HFM1: variants seen among roughly 807,000 people sequenced by gnomAD.
HFM1 encodes the protein probable ATP-dependent DNA helicase HFM1.
HFM1 carries 169 observed loss-of-function variants against 192.1 expected under a neutral mutation model. The observed-to-expected ratio is 0.88, with a 90% CI of 0.78 to 1.00. The LOEUF is 1.00. Among genes scored for constraint, HFM1 ranks in the 50% least tolerant of loss-of-function variants. The probability of loss-of-function intolerance (pLI) is 0.00; values close to 1 mark genes in which losing one functional copy is unlikely to be tolerated. For missense variants in HFM1, 1,661 were observed against 1,668.0 expected, an observed-to-expected ratio of 1.00 and a Z score of 0.07; for synonymous variants, 525 against 537.8, an observed-to-expected ratio of 0.98 and a Z score of 0.33.
intron 2 of HFM1, among the ~76,000 whole-genome samples, chr1:91,397,849 ACT>A (rs752309328): frequency 5.9e-5 from 9 of 152,200 alleles, no homozygotes; most frequent in Non-Finnish European, 5.9e-5. Flanking sequence ...CTGAGTAATG[ACT>A]TAGGACAATA....
In HFM1 at chr1:91,378,443, T is replaced by C. The variant is rs143523339; in HGVS notation, c.1196A>G (p.Asn399Ser). ...WDSMTRKWRD[N>S]SLVQLVRLFL... The stretch of plus-strand genomic sequence containing the variant: ...CAGTCGAACCAGCTGAACCAAAGAG[T>C]TGTCTCTCCATTTCCTAGTCATGCT... Residue 399 changes from asparagine to serine, a missense_variant, in exon 10 of 39, where the codon AAC (asparagine) becomes AGC (serine). By Grantham distance (46) the Asn-to-Ser change is conservative. Transcript: ENST00000370425. The C allele has an allele frequency of 7.5e-6, 12 of 1,605,620 alleles. No homozygotes were observed. Among genetic ancestry groups the C allele is most frequent in the Admixed American group, 1.7e-5 (1 of 59,664 alleles).
chr1:91,405,813 A>C (rs1188032062), upstream of HFM1, among the ~76,000 whole-genome samples: 4 of 152,278 alleles, frequency 2.6e-5, no homozygotes, highest in Non-Finnish European at 5.9e-5. Context: ...ATAAAATAAC[A>C]AGTCTTTGTC....
chr1:91,302,742 T>C (rs147039319), intron 30 of HFM1, among the ~76,000 whole-genome samples: 3,805 of 123,508 alleles, frequency 0.031, 67 homozygotes, highest in Middle Eastern at 0.063. Flanking sequence ...TGAGAACACA[T>C]AGACACAGGA....
chr1:91,326,352 G>A (rs1652900855), intron 20 of HFM1, among the ~76,000 whole-genome samples: 1 of 152,100 alleles, frequency 6.6e-6, no homozygotes. Flanking sequence ...ATAAAGAAAG[G>A]ATCCTAAGAG....
At chr1:91,291,294 T>TA (rs1207620043) in intron 30 of HFM1, among the ~76,000 whole-genome samples, 1 of 152,060 alleles carries the variant, frequency 6.6e-6, no homozygotes, top group Admixed American at 6.5e-5. Context: ...ACAAAATTGA[T>TA]AGACCGCTAG....
At chr1:91,300,924 G>T (rs1369786638) in intron 30 of HFM1, among the ~76,000 whole-genome samples, 17 of 152,160 alleles carry the variant, frequency 1.1e-4, no homozygotes, top group Non-Finnish European at 2.1e-4. Context: ...AGTGTTGGAA[G>T]TTCTGGCCAG....
At chr1:91,294,739 C>T (rs1456585830) in intron 30 of HFM1, among the ~76,000 whole-genome samples, 1 of 152,172 alleles carries the variant, frequency 6.6e-6, no homozygotes, top group Non-Finnish European at 1.5e-5. Flanking sequence ...TTTATTTGTC[C>T]ATCTAACTGC....
At chr1:91,351,006 A>C (rs566915774) in intron 17 of HFM1, 135 bp from the exon 18 acceptor site, 1 of 695,998 alleles carries the variant, frequency 1.4e-6, no homozygotes, top group African/African-American at 1.8e-5. Context: ...CAAAAACATA[A>C]AAGAAAACCT....
At chr1:91,288,384 T>TAG (rs1481906356) in intron 30 of HFM1, among the ~76,000 whole-genome samples, 1 of 143,704 alleles carries the variant, frequency 7.0e-6, no homozygotes, top group Non-Finnish European at 1.5e-5. Context: ...TTTTTTTTTT[T>TAG]TTTTTTTAGT....
intron 20 of HFM1, among the ~76,000 whole-genome samples, chr1:91,334,193 G>A (rs1654239113): frequency 1.3e-5 from 2 of 152,292 alleles, no homozygotes; most frequent in African/African-American, 4.8e-5. Flanking sequence ...ATCAGACTGA[G>A]TTGATTAGAA....
At chr1:91,355,621 A>G (rs1215786500) in intron 13 of HFM1, among the ~76,000 whole-genome samples, 1 of 152,156 alleles carries the variant, frequency 6.6e-6, no homozygotes, top group Non-Finnish European at 1.5e-5. Flanking sequence ...AGAGGCAAAG[A>G]AGGTCATAAT....
At chr1:91,290,642 C>T (rs1263430313) in intron 30 of HFM1, among the ~76,000 whole-genome samples, 6 of 152,154 alleles carry the variant, frequency 3.9e-5, no homozygotes, top group African/African-American at 7.2e-5. Context: ...CACAGATCAA[C>T]GAGACAGAAA....
Position 91,319,184 on chromosome 1 carries a change from T to A in HFM1, c.2706A>T (p.Gln902His). 1 of 1,608,644 alleles carries A rather than the reference T, an allele frequency of 6.2e-7. No individual in the cohort carries two copies. Among genetic ancestry groups the A allele is most frequent in the Non-Finnish European group, 8.5e-7 (1 of 1,178,528 alleles). ...TRWLSDFVAA[Q>H]EKKFAVLLNS... ...TCAATAGTACAGCAAACTTCTTTTC[T>A]TGAGCAGCTACAAAATCTGACAACC... is the stretch of plus-strand genomic sequence containing the variant. The change falls in exon 25 of 39, where the codon CAA becomes CAT. Residue 902 changes from glutamine (Q) to histidine (H), a missense_variant. Physicochemically the swap from Gln to His is conservative, Grantham distance 24. Coordinates refer to ENST00000370425, the MANE Select transcript of HFM1 (RefSeq NM_001017975.6).
chr1:91,400,326 T>C (rs1402766473), intron 2 of HFM1, among the ~76,000 whole-genome samples: 1 of 152,228 alleles, frequency 6.6e-6, no homozygotes, highest in African/African-American at 2.4e-5. Flanking sequence ...CTATCATACT[T>C]TGCCTTTGGC....
intron 30 of HFM1, among the ~76,000 whole-genome samples, chr1:91,280,335 AAGGTCAATATG>A (rs1261206655): frequency 6.6e-6 from 1 of 152,216 alleles, no homozygotes; most frequent in Non-Finnish European, 1.5e-5. Flanking sequence ...GGGAAACTGA[AAGGTCAATATG>A]ACTGATGCTA....
At chr1:91,367,050 A>T (rs927993202) in intron 13 of HFM1, among the ~76,000 whole-genome samples, 1 of 152,162 alleles carries the variant, frequency 6.6e-6, no homozygotes, top group African/African-American at 2.4e-5. Flanking sequence ...GGCGGCAGTG[A>T]GGCTGGGGGA....
At chr1:91,287,424 A>T (rs975734857) in intron 30 of HFM1, among the ~76,000 whole-genome samples, 1 of 152,028 alleles carries the variant, frequency 6.6e-6, no homozygotes, top group African/African-American at 2.4e-5. Flanking sequence ...ACGTCCGGGT[A>T]CTCCAACAGA....
chr1:91,367,070 G>A (rs555866645), intron 13 of HFM1, among the ~76,000 whole-genome samples: 38 of 152,280 alleles, frequency 2.5e-4, no homozygotes, highest in African/African-American at 6.3e-4. Flanking sequence ...AGGGGCACCC[G>A]CCATTGCCGA....
rs148662537 is a variant in HFM1, at chr1:91,307,364, T to A, written c.3391+5985A>T. The stretch of plus-strand genomic sequence containing the variant: ...CTACTTATATTTAGTCATATAGTTA[T>A]CCTTTCTACTCTTCTTCATTCCCCC... On this transcript the variant is annotated intron_variant, in intron 30 of 38. Transcript: ENST00000370425. Among the ~76,000 whole-genome samples the A allele has an allele frequency of 9.8e-5, 15 of 152,332 alleles. No homozygotes were observed. The East Asian group carries it at 2.5e-3, about 25-fold the overall frequency.
Sources: allele counts gnomAD v4.1 joint callset (sites outside exome capture counted in the v4.1 genomes callset), GRCh38; gene constraint gnomAD v4.1.1; transcripts MANE v1.5; gene names NCBI Gene and HGNC (gene_info 2026-07-23, HGNC 2026-07-21).